The following PSMA2 variants were observed in gnomAD, a reference collection of about 807,000 sequenced individuals.
PSMA2 encodes proteasome subunit alpha type-2.
PSMA2 carries 2 observed loss-of-function variants against 35.9 expected under a neutral mutation model. The ratio of observed to expected loss-of-function variants is 0.06; its 90% confidence interval spans 0.02 to 0.18. PSMA2 has a LOEUF of 0.18. Among genes scored for constraint, PSMA2 ranks in the 10% least tolerant of loss-of-function variants. The pLI, the probability that PSMA2 is intolerant of heterozygous loss-of-function variation, is 1.00. For missense variants in PSMA2, 126 were observed against 278.8 expected (o/e 0.45, Z 3.90); for synonymous variants, 97 against 98.2 (o/e 0.99, Z 0.07).
At chr7:42,927,596 C>A in intron 1 of PSMA2, 137 bp from the exon 2 acceptor site, 1 of 762,710 alleles carries the variant, frequency 1.3e-6, no homozygotes. Context: ...TGACCTCTAT[C>A]ATGAAGTGGC....
At chr7:42,931,271 T>A (rs1238912765) in intron 1 of PSMA2, 1 of 344,038 alleles carries the variant, frequency 2.9e-6, no homozygotes, top group Non-Finnish European at 5.7e-6. Context: ...CAGGAGTACA[T>A]TTTAAGTAAA....
chr7:42,930,223 A>ACGCGCACACACACACG (rs200403801), intron 1 of PSMA2, among the ~76,000 whole-genome samples: 1 of 4,820 alleles, frequency 2.1e-4, no homozygotes, highest in African/African-American at 3.4e-4. Flanking sequence ...ACACACACAC[A>ACGCGCACACACACACG]CGCACACACA....
At chr7:42,931,354 C>T (rs1351454556) in intron 1 of PSMA2, among the ~76,000 whole-genome samples, 2 of 152,186 alleles carry the variant, frequency 1.3e-5, no homozygotes, top group Non-Finnish European at 2.9e-5. Context: ...AAGTCTTCGG[C>T]GATGGTTTTC....
Position 42,917,442 on chromosome 7 carries a change from T to C in PSMA2, c.*132A>G, listed in dbSNP as rs1366586118. ...TTAACAGTTTATTAGGATTTATAAGTGTCATTTTAAAAACAGTCGATTTAA... is the reference window on the plus strand; with the variant it reads ...TTAACAGTTTATTAGGATTTATAAGCGTCATTTTAAAAACAGTCGATTTAA... On this transcript the variant is annotated 3_prime_UTR_variant, in exon 8 of 8. Transcript: ENST00000223321. 7 of 677,230 alleles carry C rather than the reference T, an allele frequency of 1.0e-5. No homozygotes were observed. The highest frequency in any genetic ancestry group is 1.7e-5 in the Non-Finnish European group (7 of 400,612). 42.0% of individuals were successfully genotyped at this position (677,230 alleles called of 1,614,324 possible).
chr7:42,928,821 T>C (rs980299264), intron 1 of PSMA2, among the ~76,000 whole-genome samples: 1 of 152,170 alleles, frequency 6.6e-6, no homozygotes, highest in Non-Finnish European at 1.5e-5. Flanking sequence ...AATCCCTCCA[T>C]CTGAAATGCA....
chr7:42,924,353 CAAAAAA>C (rs58198756), intron 4 of PSMA2, among the ~76,000 whole-genome samples: 6 of 69,422 alleles, frequency 8.6e-5, no homozygotes, highest in Admixed American at 2.5e-4. Context: ...GACTCTGACT[CAAAAAA>C]AAAAAAAAAA....
At chr7:42,921,987 T>C in intron 5 of PSMA2, 56 bp from the exon 6 acceptor site, 1 of 1,318,040 alleles carries the variant, frequency 7.6e-7, no homozygotes, top group South Asian at 1.3e-5. Context: ...TACAATTATA[T>C]TGCCCTGCCA....
At chr7:42,921,061 G>A (rs1219150160) in intron 6 of PSMA2, 2 of 152,178 alleles carry the variant, frequency 1.3e-5, no homozygotes, top group African/African-American at 4.8e-5. Flanking sequence ...CGGTCAGACA[G>A]GAGGAATAAG....
At chr7:42,919,274 C>A in intron 6 of PSMA2, 1 of 614,398 alleles carries the variant, frequency 1.6e-6, no homozygotes. Flanking sequence ...AAAGCAGCCA[C>A]AGCAGCTGCA....
chr7:42,921,976 A>G, intron 5 of PSMA2, 45 bp from the exon 6 acceptor site: 1 of 1,394,460 alleles, frequency 7.2e-7, no homozygotes, highest in Non-Finnish European at 1.0e-6. Flanking sequence ...TAAAACACAA[A>G]TACAATTATA....
chr7:42,919,633 AT>A, intron 6 of PSMA2: 1 of 568,528 alleles, frequency 1.8e-6, no homozygotes, highest in South Asian at 1.5e-5. Context: ...TGAGGGAGAG[AT>A]TTTGGTAATA....
At chr7:42,931,209 G>A (rs1786304281) in intron 1 of PSMA2, 1 of 440,628 alleles carries the variant, frequency 2.3e-6, no homozygotes, top group Non-Finnish European at 4.5e-6. Flanking sequence ...TTAAGGTTAA[G>A]TTGCACCTAA....
At chr7:42,926,108 G>A (rs1342158883) in intron 3 of PSMA2, among the ~76,000 whole-genome samples, 1 of 152,150 alleles carries the variant, frequency 6.6e-6, no homozygotes, top group African/African-American at 2.4e-5. Flanking sequence ...CCTTTGTGAA[G>A]AACAGGAAAA....
chr7:42,925,438 T>G (rs192905103), intron 3 of PSMA2, among the ~76,000 whole-genome samples: 1 of 152,182 alleles, frequency 6.6e-6, no homozygotes, highest in African/African-American at 2.4e-5. Flanking sequence ...AGGAGGGAGA[T>G]AGAGTACATA....
intron 6 of PSMA2, 187 bp from the exon 7 acceptor site, chr7:42,918,022 A>G (rs1583604204): frequency 2.2e-6 from 1 of 456,090 alleles, no homozygotes; most frequent in Admixed American, 3.8e-5. Context: ...CTGGTGCTCA[A>G]TTCCCAACAT....
chr7:42,927,802 A>G (rs547847084), intron 1 of PSMA2, among the ~76,000 whole-genome samples: 35 of 152,158 alleles, frequency 2.3e-4, no homozygotes, highest in Admixed American at 9.2e-4. Flanking sequence ...GCTACTTGGG[A>G]GGCTGAGGCA....
chr7:42,922,837 T>C (rs117908121), intron 5 of PSMA2, among the ~76,000 whole-genome samples: 40 of 152,340 alleles, frequency 2.6e-4, no homozygotes, highest in Non-Finnish European at 5.1e-4. Context: ...AAACACCTTC[T>C]ATTCAGATAC....
In PSMA2 at chr7:42,928,522, C is replaced by T. The variant is rs192352896; in HGVS notation, c.42-1063G>A. ...ATGGATTTGGTAGCTAAACGCAAGT[C>T]TCAAACTGGCCTTTTAAAGTTATCC... On this transcript the variant is annotated intron_variant, in intron 1 of 7. Coordinates refer to ENST00000223321, the MANE Select transcript of PSMA2 (RefSeq NM_002787.5). Among the ~76,000 whole-genome samples the T allele has an allele frequency of 7.9e-5, 12 of 152,288 alleles. No homozygotes were observed. The Middle Eastern group carries it at 0.014, about 173-fold the overall frequency.
intron 6 of PSMA2, chr7:42,920,196 A>G (rs565661380): frequency 8.4e-5 from 26 of 310,696 alleles, no homozygotes; most frequent in Admixed American, 6.7e-4. Context: ...AAAAACAGCA[A>G]TAAATAATGA....
Sources: allele counts gnomAD v4.1 joint callset (sites outside exome capture counted in the v4.1 genomes callset), GRCh38; gene constraint gnomAD v4.1.1; transcripts MANE v1.5; gene names NCBI Gene and HGNC (gene_info 2026-07-23, HGNC 2026-07-21).